Variants in ZNF544 observed in about 807,000 individuals in gnomAD.
The protein encoded by ZNF544 is zinc finger protein 544.
Under a neutral mutation model 13.5 loss-of-function variants are expected in ZNF544, and 10 were observed. That is an observed-to-expected ratio of 0.74 (90% confidence interval 0.46 to 1.25). The LOEUF (loss-of-function observed/expected upper bound fraction) is 1.25, where lower values mean the gene tolerates loss of function less well. Ranked by LOEUF, ZNF544 falls within the 50% of genes most tolerant of loss-of-function variation. ZNF544 has a pLI of 0.00. For missense variants in ZNF544, 896 were observed against 845.6 expected (o/e 1.06, Z -0.74); for synonymous variants, 323 against 300.5 (o/e 1.07, Z -0.77).
intron 5 of ZNF544, among the ~76,000 whole-genome samples, chr19:58,272,394 T>A (rs563523496): frequency 2.4e-4 from 37 of 152,046 alleles, no homozygotes; most frequent in African/African-American, 8.7e-4. Context: ...GGACTCTGTC[T>A]CTGCAAGAAA....
chr19:58,255,682 G>A (rs528719434), intron 6 of ZNF544, among the ~76,000 whole-genome samples: 33 of 152,368 alleles, frequency 2.2e-4, no homozygotes, highest in African/African-American at 7.7e-4. Context: ...CTTACAGGCT[G>A]ACTTTAAGGA....
chr19:58,232,116 C>T (rs552415414), intron 3 of ZNF544, among the ~76,000 whole-genome samples: 16 of 151,820 alleles, frequency 1.1e-4, no homozygotes, highest in Non-Finnish European at 2.2e-4. Context: ...AAGACTAGTT[C>T]TCACAGTAAA....
At chr19:58,255,005 A>G (rs922610106) in intron 6 of ZNF544, among the ~76,000 whole-genome samples, 1 of 150,846 alleles carries the variant, frequency 6.6e-6, no homozygotes, top group African/African-American at 2.4e-5. Flanking sequence ...CTCCTGCCTC[A>G]GCCTCCTGAG....
chr19:58,249,847 A>G lies in ZNF544; in HGVS notation c.244+3053A>G, dbSNP rs373505423. 1.2e-4 allele frequency among the ~76,000 whole-genome samples: 18 copies of G among 152,248 alleles called. 1 individual carries two copies. Among genetic ancestry groups the G allele is most frequent in the East Asian group, 1.2e-3 (6 of 5,184 alleles). ...TATTTTTTCTTTTTTACTTTGGGCA[A>G]TGTCATTCAAGCTTTCCATAAAATC... On this transcript the variant is annotated intron_variant, in intron 6 of 6. Transcript: ENST00000687789.
chr19:58,246,944 C>T lies in ZNF544; in HGVS notation c.244+150C>T, dbSNP rs187572706. On this transcript the variant is annotated intron_variant, in intron 6 of 6. Transcript: ENST00000687789. ...AGCAGTTCACCCATTCAAAGGAGTTCACCAATTCGAAGTATGCAGTTCATG... is the reference window on the plus strand; with the variant it reads ...AGCAGTTCACCCATTCAAAGGAGTTTACCAATTCGAAGTATGCAGTTCATG... 1.8e-4 allele frequency: 111 copies of T among 624,144 alleles called. 1 individual carries two copies. In the East Asian group the frequency reaches 3.1e-3, roughly 17 times the overall value. The allele number at this position is 624,144 out of a possible 1,614,324, so 38.7% of individuals were successfully genotyped here.
rs1274591465 is a variant in ZNF544 at position 58,261,420 on chromosome 19, T to A, written c.814T>A (p.Cys272Ser). ...RTFSVKKSDD[C>S]KDYGNLFSHS... ...TTTTTCAGTGAAGAAAAGTGATGAC[T>A]GTAAGGATTATGGAAACCTCTTCAG... The change falls in exon 7 of 7, where the codon TGT becomes AGT. Residue 272 changes from cysteine (C) to serine (S), a missense_variant. Coordinates refer to ENST00000687789, the MANE Select transcript of ZNF544 (RefSeq NM_014480.4). 1 of 1,614,086 alleles carries A rather than the reference T, an allele frequency of 6.2e-7. No homozygotes were observed. The highest frequency in any genetic ancestry group is 8.5e-7 in the Non-Finnish European group (1 of 1,180,056).
chr19:58,235,400 A>AT (rs1344174888), intron 3 of ZNF544, among the ~76,000 whole-genome samples: 1 of 152,242 alleles, frequency 6.6e-6, no homozygotes, highest in Non-Finnish European at 1.5e-5. Context: ...CACTGACCAG[A>AT]ACGTCATTAT....
At chr19:58,270,756 G>A (rs747267965) in intron 5 of ZNF544, among the ~76,000 whole-genome samples, 5 of 152,196 alleles carry the variant, frequency 3.3e-5, no homozygotes, top group African/African-American at 1.2e-4. Context: ...TAGTAGTGGA[G>A]AGTAGAGGTT....
chr19:58,272,964 G>A (rs972937606), intron 5 of ZNF544, among the ~76,000 whole-genome samples: 1 of 151,444 alleles, frequency 6.6e-6, no homozygotes, highest in African/African-American at 2.4e-5. Context: ...TGGGCAGATT[G>A]CAAGTTCAGG....
chr19:58,234,118 T>G (rs2041912563), intron 3 of ZNF544, among the ~76,000 whole-genome samples: 2 of 152,208 alleles, frequency 1.3e-5, no homozygotes, highest in Non-Finnish European at 2.9e-5. Flanking sequence ...CAGTCCACTC[T>G]CCAGCCTGCC....
chr19:58,230,748 C>G (rs2041029353), intron 3 of ZNF544, among the ~76,000 whole-genome samples: 1 of 152,102 alleles, frequency 6.6e-6, no homozygotes, highest in African/African-American at 2.4e-5. Context: ...GTGTTGGTCA[C>G]TCTGTTCAGG....
chr19:58,274,152 C>A (rs540183311), intron 5 of ZNF544, among the ~76,000 whole-genome samples: 3 of 151,726 alleles, frequency 2.0e-5, no homozygotes, highest in Non-Finnish European at 4.4e-5. Context: ...GGAATTAAAA[C>A]GGAAAAAAAT....
rs2045309544 is a variant in ZNF544 at position 58,246,734 on chromosome 19, G to A, written c.184G>A (p.Val62Met). ...AGGGCTTTTCCTTTCCAAATCTGAT[G>A]TGATCTCTCAGCTGGAGCAAGAAGA... ...SLGLFLSKSD[V>M]ISQLEQEEDL... The change falls in exon 6 of 7, where the codon GTG becomes ATG. Residue 62 changes from valine to methionine, a missense_variant. Transcript: ENST00000687789. The A allele has an allele frequency of 1.1e-5, 17 of 1,614,130 alleles. No homozygotes were observed. Among genetic ancestry groups the A allele is most frequent in the Non-Finnish European group, 1.4e-5 (17 of 1,180,000 alleles).
Position 58,243,954 on chromosome 19 carries a change from TTCCACCC to T in ZNF544, c.-59-10_-59-4del. On this transcript the variant is annotated splice_region_variant and splice_polypyrimidine_tract_variant and intron_variant, in intron 3 of 6. Coordinates refer to ENST00000687789, the MANE Select transcript of ZNF544 (RefSeq NM_014480.4). ...CCGAGGGGCTGAATCTCTGCTTGTT[TTCCACCC>T]CAGACTGGTCTTCTGAGGACCTCTG... is the stretch of plus-strand genomic sequence containing the variant. 1.3e-6 allele frequency: 2 copies of T among 1,544,876 alleles called. No individual in the cohort carries two copies. The highest frequency in any genetic ancestry group is 1.8e-6 in the Non-Finnish European group (2 of 1,142,630).
chr19:58,262,760 C>T lies in ZNF544; in HGVS notation c.*6C>T, dbSNP rs1402875240. 8.2e-6 allele frequency: 13 copies of T among 1,580,468 alleles called. No individual in the cohort carries two copies. Among genetic ancestry groups the T allele is most frequent in the East Asian group, 2.2e-5 (1 of 44,486 alleles). On this transcript the variant is annotated 3_prime_UTR_variant, in exon 7 of 7. Coordinates refer to ENST00000687789, the MANE Select transcript of ZNF544 (RefSeq NM_014480.4). ...ATACTGGAGAGAAACCTTAGGAGTG[C>T]AGTCATTGTGGGAAAGCTTTCATCC...
At position 58,263,420 on chromosome 19, in the gene ZNF544, C is replaced by T; in HGVS notation, c.*666C>T. On this transcript the variant is annotated 3_prime_UTR_variant, in exon 7 of 7. Transcript: ENST00000687789. ...TGGTTGCAGTGAGCTGTGATCATGC[C>T]ATCACACCGCTGCCTTGTGAGAGAT... 2 of 981,356 alleles carry T rather than the reference C, an allele frequency of 2.0e-6. No individual in the cohort carries two copies. The highest frequency in any genetic ancestry group is 5.3e-4 in the Middle Eastern group (1 of 1,904). The allele number at this position is 981,356 out of a possible 1,614,324, so 60.8% of individuals were successfully genotyped here. A position where few individuals can be genotyped will look rare whatever the true frequency, so the allele number is the denominator to read the frequency against.
At position 58,262,453 on chromosome 19, in the gene ZNF544, G is replaced by C; in HGVS notation, c.1847G>C (p.Ser616Thr). Residue 616 changes from serine to threonine, a missense_variant, in exon 7 of 7, where the codon AGC (serine) becomes ACC (threonine). Coordinates refer to ENST00000687789, the MANE Select transcript of ZNF544 (RefSeq NM_014480.4). ...CNECGKAFNR[S>T]TQLIRHLQIH... Reference sequence around the variant, plus strand: ...GAGTGTGGAAAAGCCTTCAATCGAAGCACTCAGCTCATCAGGCATCTGCAA... The same window carrying C: ...GAGTGTGGAAAAGCCTTCAATCGAACCACTCAGCTCATCAGGCATCTGCAA... The C allele has an allele frequency of 2.5e-6, 4 of 1,614,200 alleles. No individual in the cohort carries two copies. The highest frequency in any genetic ancestry group is 3.4e-6 in the Non-Finnish European group (4 of 1,180,034).
At position 58,276,553 on chromosome 19, in the gene ZNF544, C is replaced by T. The variant is rs75339558; in HGVS notation, c.351+124C>T. The T allele has an allele frequency of 1.9e-3, 901 of 473,568 alleles. 10 individuals carry two copies. The highest frequency in any genetic ancestry group is 0.016 in the African/African-American group (796 of 49,676). 29.3% of individuals were successfully genotyped at this position (473,568 alleles called of 1,614,324 possible). A position where few individuals can be genotyped will look rare whatever the true frequency, so the allele number is the denominator to read the frequency against. Reference sequence around the variant, plus strand: ...CGCAATCTCAGCTAATCGCAACCTCCGCCTCCCAGTTTCAAGCGATTCTCC... The same window carrying T: ...CGCAATCTCAGCTAATCGCAACCTCTGCCTCCCAGTTTCAAGCGATTCTCC... On this transcript the variant is annotated intron_variant, in intron 6 of 6. Coordinates refer to the ZNF544 transcript ENST00000595981.
chr19:58,255,329 A>C (rs1275417731), intron 6 of ZNF544, among the ~76,000 whole-genome samples: 1 of 151,976 alleles, frequency 6.6e-6, no homozygotes, highest in Non-Finnish European at 1.5e-5. Context: ...GGCGTGTGCC[A>C]CCATGCCCAG....
Sources: allele counts gnomAD v4.1 joint callset (sites outside exome capture counted in the v4.1 genomes callset), GRCh38; gene constraint gnomAD v4.1.1; transcripts MANE v1.5; gene names NCBI Gene and HGNC (gene_info 2026-07-23, HGNC 2026-07-21).